Variants in SEL1L3 observed in about 807,000 individuals in gnomAD.
The protein encoded by SEL1L3 is protein sel-1 homolog 3.
In SEL1L3, 76 loss-of-function variants were observed where a neutral mutation model predicts 142.8. The ratio of observed to expected loss-of-function variants is 0.53; its 90% CI spans 0.44 to 0.64. SEL1L3 has a LOEUF of 0.64. Ranked by LOEUF, SEL1L3 falls within the 30% of genes least tolerant of loss-of-function variation. The pLI is 0.00. For synonymous variants in SEL1L3, 504 were observed against 519.6 expected, an observed-to-expected ratio of 0.97 and a Z score of 0.41; for missense variants, 1,262 against 1,381.7, an observed-to-expected ratio of 0.91 and a Z score of 1.37.
chr4:25,780,006 G>A (rs1052866764), intron 15 of SEL1L3, among the ~76,000 whole-genome samples: 2 of 152,180 alleles, frequency 1.3e-5, no homozygotes, highest in African/African-American at 4.8e-5. Flanking sequence ...TCAAGGTTTA[G>A]CACAGTGCTT....
At chr4:25,758,322 T>G (rs1168068247) in intron 21 of SEL1L3, among the ~76,000 whole-genome samples, 2 of 151,958 alleles carry the variant, frequency 1.3e-5, no homozygotes, top group African/African-American at 2.4e-5. Flanking sequence ...AACACAAAAA[T>G]TAGCCTGGTG....
In SEL1L3 at chr4:25,802,579, T is replaced by G. The variant is rs1024810686; in HGVS notation, c.1777-117A>C. 4.6e-6 allele frequency: 4 copies of G among 875,864 alleles called. No homozygotes were observed. In the East Asian group the frequency reaches 1.1e-4, roughly 23 times the overall value. The allele number at this position is 875,864 out of a possible 1,614,324, so 54.3% of individuals were successfully genotyped here. A position where few individuals can be genotyped will look rare whatever the true frequency, so the allele number is the denominator to read the frequency against. ...TACAATCCTAGCCATTCCAGAAATA[T>G]GTTAACTTGCCTTTTTTTTTGAGAC... On this transcript the variant is annotated intron_variant, in intron 10 of 23. Transcript: ENST00000399878.
chr4:25,763,988 T>G (rs532223243), intron 20 of SEL1L3, among the ~76,000 whole-genome samples: 1 of 152,182 alleles, frequency 6.6e-6, no homozygotes, highest in Non-Finnish European at 1.5e-5. Context: ...ACCTCCATCA[T>G]GAAAATGATT....
At chr4:25,863,472 A>G, upstream of SEL1L3, 1 of 700,438 alleles carries the variant, frequency 1.4e-6, no homozygotes, top group South Asian at 1.5e-5. Context: ...CCGCCCGTGC[A>G]ATGGGTTTTT....
chr4:25,818,407 G>T (rs1394694161), intron 8 of SEL1L3, 129 bp from the exon 9 acceptor site: 1 of 855,976 alleles, frequency 1.2e-6, no homozygotes, highest in East Asian at 3.0e-5. Context: ...TGGTCCTTTT[G>T]GGATTTGAAA....
intron 9 of SEL1L3, among the ~76,000 whole-genome samples, chr4:25,807,555 C>T (rs757653962): frequency 2.0e-5 from 3 of 151,962 alleles, no homozygotes; most frequent in Non-Finnish European, 4.4e-5. Context: ...TGCACATTCC[C>T]AGCAAAGCAA....
At chr4:25,841,009 C>T (rs1390221449) in intron 2 of SEL1L3, among the ~76,000 whole-genome samples, 1 of 151,918 alleles carries the variant, frequency 6.6e-6, no homozygotes, top group Non-Finnish European at 1.5e-5. Context: ...CAATGTCCTT[C>T]TTTCATTCCT....
intron 2 of SEL1L3, among the ~76,000 whole-genome samples, chr4:25,836,658 A>C (rs1211386751): frequency 6.6e-6 from 1 of 152,184 alleles, no homozygotes; most frequent in Non-Finnish European, 1.5e-5. Flanking sequence ...TCTCAAAAAA[A>C]AGGGATACTT....
At chr4:25,733,514 A>G in the SEL1L3 span, among the ~76,000 whole-genome samples, 1 of 129,180 alleles carries the variant, frequency 7.7e-6, no homozygotes, top group Non-Finnish European at 1.7e-5. Context: ...TTTTTTTTAT[A>G]TTCCTTAGCT....
chr4:25,833,321 G>T, intron 4 of SEL1L3, 127 bp downstream of exon 4: 1 of 883,130 alleles, frequency 1.1e-6, no homozygotes, highest in Non-Finnish European at 1.7e-6. Flanking sequence ...GCCCACATTT[G>T]GAAGTCATTG....
the SEL1L3 span, among the ~76,000 whole-genome samples, chr4:25,721,898 G>A: frequency 6.6e-6 from 1 of 152,204 alleles, no homozygotes. Context: ...TGTTTGCACA[G>A]TTGTGCTTTC....
the SEL1L3 span, chr4:25,720,601 C>T: frequency 0.071 from 10,800 of 152,114 alleles, 814 homozygotes; most frequent in African/African-American, 0.19. Flanking sequence ...AAAGGGAAAG[C>T]GGTGGTTGGA....
At chr4:25,853,305 G>A (rs1025768966) in intron 1 of SEL1L3, among the ~76,000 whole-genome samples, 2 of 152,076 alleles carry the variant, frequency 1.3e-5, no homozygotes, top group Non-Finnish European at 2.9e-5. Flanking sequence ...CCACAGAGCC[G>A]TCCCTTCAAA....
At chr4:25,752,020 A>G (rs567025606) in intron 23 of SEL1L3, among the ~76,000 whole-genome samples, 5 of 150,472 alleles carry the variant, frequency 3.3e-5, no homozygotes, top group African/African-American at 1.2e-4. Context: ...GAGGCAGGAG[A>G]ATCGCTTGAA....
chr4:25,829,305 T>C (rs961317958), intron 6 of SEL1L3, among the ~76,000 whole-genome samples: 1 of 152,240 alleles, frequency 6.6e-6, no homozygotes, highest in Admixed American at 6.5e-5. Context: ...ATTTCAGATG[T>C]TCTTTGACAT....
chr4:25,804,597 AG>A lies in SEL1L3; in HGVS notation c.1719del (p.Tyr574ThrfsTer11). On this transcript the variant is annotated frameshift_variant, in exon 10 of 24. Transcript: ENST00000399878. LOFTEE classifies it high-confidence loss of function. ...GTCTCATAAAAGACTGCAAGGTAGT[AG>A]GATGCTTTATGGTATCCACAGCAGC... ...DSSCCGYHKA[S>X]YYLAVFYETG... is the part of the protein sequence containing the mutation. The A allele has an allele frequency of 6.2e-7, 1 of 1,613,876 alleles. No individual in the cohort carries two copies. Among genetic ancestry groups the A allele is most frequent in the Non-Finnish European group, 8.5e-7 (1 of 1,179,820 alleles).
intron 9 of SEL1L3, among the ~76,000 whole-genome samples, chr4:25,816,171 T>C (rs1358961784): frequency 6.7e-6 from 1 of 148,370 alleles, no homozygotes; most frequent in Non-Finnish European, 1.5e-5. Context: ...ATATTATATA[T>C]ACATACACAC....
At chr4:25,790,948 T>C (rs1171324621) in intron 11 of SEL1L3, among the ~76,000 whole-genome samples, 1 of 152,236 alleles carries the variant, frequency 6.6e-6, no homozygotes, top group Non-Finnish European at 1.5e-5. Context: ...TACAATGACA[T>C]AAGGTCAAAT....
chr4:25,838,135 A>G (rs557592307), intron 2 of SEL1L3, among the ~76,000 whole-genome samples: 1 of 152,344 alleles, frequency 6.6e-6, no homozygotes, highest in African/African-American at 2.4e-5. Flanking sequence ...TCCTCCTAGT[A>G]CTGTCCACAA....
Sources: allele counts gnomAD v4.1 joint callset (sites outside exome capture counted in the v4.1 genomes callset), GRCh38; gene constraint gnomAD v4.1.1; transcripts MANE v1.5; gene names NCBI Gene and HGNC (gene_info 2026-07-23, HGNC 2026-07-21).